CTNNA2: variants seen among roughly 807,000 people sequenced by gnomAD.
CTNNA2 encodes catenin alpha-2.
CTNNA2 carries 42 observed loss-of-function variants against 101.0 expected under a neutral mutation model. The observed-to-expected ratio is 0.42, with a 90% CI of 0.32 to 0.54. The LOEUF is 0.54. CTNNA2 is among the 20% of genes least tolerant of loss of function. The pLI, the probability that CTNNA2 is intolerant of heterozygous loss-of-function variation, is 0.14. For synonymous variants in CTNNA2, 450 were observed against 456.4 expected, an observed-to-expected ratio of 0.99 and a Z score of 0.18; for missense variants, 871 against 1,223.1, an observed-to-expected ratio of 0.71 and a Z score of 4.29.
At chr2:79,214,723 G>A (rs944688543) in intron 2 of CTNNA2, among the ~76,000 whole-genome samples, 7 of 152,236 alleles carry the variant, frequency 4.6e-5, no homozygotes, top group African/African-American at 1.4e-4. Flanking sequence ...AAGGGCGGCA[G>A]TGAGATGCGG....
intron 7 of CTNNA2, among the ~76,000 whole-genome samples, chr2:80,297,655 G>T (rs1675864302): frequency 6.6e-6 from 1 of 152,046 alleles, no homozygotes; most frequent in Non-Finnish European, 1.5e-5. Context: ...TCAGAGTAGA[G>T]CATACTTTAA....
intron 7 of CTNNA2, among the ~76,000 whole-genome samples, chr2:80,321,948 A>G (rs2149247327): frequency 6.6e-6 from 1 of 151,618 alleles, no homozygotes; most frequent in Non-Finnish European, 1.5e-5. Context: ...TTATTTATTT[A>G]TTTATTTTAA....
At position 79,650,652 on chromosome 2, in the gene CTNNA2, A is replaced by G. The variant is rs1487161251; in HGVS notation, c.-5-900A>G. 3.4e-5 allele frequency among the ~76,000 whole-genome samples: 5 copies of G among 147,442 alleles called. No homozygotes were observed. In the East Asian group the frequency reaches 8.1e-4, roughly 24 times the overall value. ...TTTTTTAAATGTATTTATTTTTATT[A>G]TACTTCAAGTTTTAGGGTACATGTG... On this transcript the variant is annotated intron_variant, in intron 1 of 18. Coordinates refer to ENST00000402739, the MANE Select transcript of CTNNA2 (RefSeq NM_001282597.3).
intron 7 of CTNNA2, among the ~76,000 whole-genome samples, chr2:80,245,653 T>C (rs577580518): frequency 3.2e-4 from 49 of 152,174 alleles, no homozygotes; most frequent in African/African-American, 1.1e-3. Flanking sequence ...CATCAAAGCC[T>C]ATAGGGACCT....
intron 7 of CTNNA2, among the ~76,000 whole-genome samples, chr2:80,249,495 G>T (rs900071230): frequency 6.6e-6 from 1 of 152,174 alleles, no homozygotes; most frequent in Admixed American, 6.5e-5. Flanking sequence ...TATTGAGCAT[G>T]TACTTTGTGC....
chr2:79,678,428 G>A (rs6758758), intron 2 of CTNNA2, among the ~76,000 whole-genome samples: 35,589 of 151,584 alleles, frequency 0.23, 5,817 homozygotes, highest in East Asian at 0.49. Context: ...CCAGATACTC[G>A]GGAGGCTGAG....
chr2:80,397,848 C>T (rs1678166519), intron 8 of CTNNA2, among the ~76,000 whole-genome samples: 1 of 152,124 alleles, frequency 6.6e-6, no homozygotes, highest in Non-Finnish European at 1.5e-5. Flanking sequence ...TCTATCCTGC[C>T]TCTCCGTAGA....
intron 7 of CTNNA2, among the ~76,000 whole-genome samples, chr2:79,970,337 T>C (rs920466255): frequency 6.6e-6 from 1 of 152,124 alleles, no homozygotes; most frequent in Non-Finnish European, 1.5e-5. Context: ...AAACCTCTTT[T>C]CAAAAATGCC....
Position 79,904,277 on chromosome 2 carries a change from T to A in CTNNA2, c.853-5317T>A, listed in dbSNP as rs554330200. Among the ~76,000 whole-genome samples, 10 of 152,260 alleles carry A rather than the reference T, an allele frequency of 6.6e-5. No individual in the cohort carries two copies. The South Asian group carries it at 1.7e-3, about 25-fold the overall frequency. On this transcript the variant is annotated intron_variant, in intron 6 of 18. Transcript: ENST00000402739. ...TTTGTGCTTGATTAGAGAGTCAACC[T>A]CTTGAAGAAAGGATTATTTAATATG...
intron 7 of CTNNA2, among the ~76,000 whole-genome samples, chr2:80,285,819 G>A (rs898222474): frequency 6.6e-6 from 1 of 152,194 alleles, no homozygotes. Flanking sequence ...TTCACATGTT[G>A]TTAGACAGGC....
chr2:79,536,062 G>A (rs11126735), intron 1 of CTNNA2, among the ~76,000 whole-genome samples: 30,715 of 152,100 alleles, frequency 0.2, 3,294 homozygotes, highest in Middle Eastern at 0.28. Flanking sequence ...TTTTCAGAGG[G>A]GTCACAGCAG....
At chr2:79,635,728 T>C (rs1327301817) in intron 1 of CTNNA2, among the ~76,000 whole-genome samples, 1 of 151,314 alleles carries the variant, frequency 6.6e-6, no homozygotes, top group African/African-American at 2.4e-5. Flanking sequence ...GGTCTCTAAC[T>C]ACTGACCTCA....
At chr2:80,472,956 A>G (rs1685426349) in intron 9 of CTNNA2, among the ~76,000 whole-genome samples, 1 of 152,168 alleles carries the variant, frequency 6.6e-6, no homozygotes, top group African/African-American at 2.4e-5. Context: ...CTTGTCAGTG[A>G]AATGTATTAG....
chr2:80,107,302 C>T (rs1423659815), intron 7 of CTNNA2, among the ~76,000 whole-genome samples: 1 of 152,106 alleles, frequency 6.6e-6, no homozygotes, highest in African/African-American at 2.4e-5. Flanking sequence ...CCTATAAAGA[C>T]CGTAGACTCA....
intron 7 of CTNNA2, among the ~76,000 whole-genome samples, chr2:80,076,783 A>C (rs1698785633): frequency 6.6e-6 from 1 of 152,152 alleles, no homozygotes; most frequent in Non-Finnish European, 1.5e-5. Flanking sequence ...ACAAGAAAAC[A>C]GAGTTGCTAA....
At chr2:80,232,743 C>G (rs577851507) in intron 7 of CTNNA2, among the ~76,000 whole-genome samples, 2 of 152,114 alleles carry the variant, frequency 1.3e-5, no homozygotes, top group African/African-American at 4.8e-5. Context: ...AGGAATGGCC[C>G]CTACCTTCCT....
chr2:79,710,669 C>G (rs1685683533), intron 2 of CTNNA2, among the ~76,000 whole-genome samples: 1 of 152,190 alleles, frequency 6.6e-6, no homozygotes, highest in African/African-American at 2.4e-5. Context: ...GGCCACAAGC[C>G]AATCAGCTTT....
intron 7 of CTNNA2, among the ~76,000 whole-genome samples, chr2:80,119,364 A>T (rs147623770): frequency 6.6e-5 from 10 of 152,316 alleles, no homozygotes; most frequent in Non-Finnish European, 1.5e-4. Flanking sequence ...GCAGAGGGAC[A>T]GGGATTGGGG....
At chr2:79,730,896 AT>A (rs1687156054) in intron 2 of CTNNA2, among the ~76,000 whole-genome samples, 1 of 152,022 alleles carries the variant, frequency 6.6e-6, no homozygotes, top group Admixed American at 6.6e-5. Context: ...TACAAAAAAA[AT>A]GAGAAAAATG....
Sources: allele counts gnomAD v4.1 joint callset (sites outside exome capture counted in the v4.1 genomes callset), GRCh38; gene constraint gnomAD v4.1.1; transcripts MANE v1.5; gene names NCBI Gene and HGNC (gene_info 2026-07-23, HGNC 2026-07-21).